Variants in L3MBTL4 observed in about 807,000 individuals in gnomAD.
The protein encoded by L3MBTL4 is L3MBTL histone methyl-lysine binding protein 4.
L3MBTL4 carries 70 observed loss-of-function variants against 84.5 expected under a neutral mutation model. The ratio of observed to expected loss-of-function variants is 0.83; its 90% confidence interval spans 0.68 to 1.01. L3MBTL4 has a LOEUF of 1.01. Among genes scored for constraint, L3MBTL4 ranks in the 50% least tolerant of loss-of-function variants. L3MBTL4 has a pLI of 0.00. For missense variants in L3MBTL4, 715 were observed against 754.8 expected (o/e 0.95, Z 0.62); for synonymous variants, 274 against 259.8 (o/e 1.05, Z -0.52).
At chr18:6,248,017 A>G (rs1452013379) in intron 5 of L3MBTL4, among the ~76,000 whole-genome samples, 1 of 152,098 alleles carries the variant, frequency 6.6e-6, no homozygotes, top group African/African-American at 2.4e-5. Flanking sequence ...ATGCACATAT[A>G]TGTACATTAA....
At chr18:6,070,474 G>A (rs1347956136) in intron 16 of L3MBTL4, among the ~76,000 whole-genome samples, 1 of 150,564 alleles carries the variant, frequency 6.6e-6, no homozygotes, top group Non-Finnish European at 1.5e-5. Context: ...AAAAGTTTGG[G>A]TGAAAAAAGG....
chr18:6,392,033 C>T (rs1016655281), intron 1 of L3MBTL4, among the ~76,000 whole-genome samples: 1 of 151,942 alleles, frequency 6.6e-6, no homozygotes, highest in Non-Finnish European at 1.5e-5. Flanking sequence ...AAAAGGAGCC[C>T]AAATAGCCAA....
chr18:6,087,470 C>A (rs1319480869), intron 15 of L3MBTL4, among the ~76,000 whole-genome samples: 2 of 152,096 alleles, frequency 1.3e-5, no homozygotes, highest in Admixed American at 1.3e-4. Flanking sequence ...GGTTGTCATG[C>A]CTGGCTAGTG....
At chr18:6,050,361 C>G (rs2056795713) in intron 16 of L3MBTL4, among the ~76,000 whole-genome samples, 1 of 152,132 alleles carries the variant, frequency 6.6e-6, no homozygotes, top group South Asian at 2.1e-4. Flanking sequence ...TTAGCATTTT[C>G]CTTTGAATAG....
At chr18:5,991,095 C>T (rs972854669) in intron 16 of L3MBTL4, among the ~76,000 whole-genome samples, 8 of 152,116 alleles carry the variant, frequency 5.3e-5, no homozygotes, top group Admixed American at 3.9e-4. Context: ...GGAATGCCCA[C>T]CCCTCTTCTC....
At chr18:6,358,868 C>A (rs1018092044) in intron 1 of L3MBTL4, among the ~76,000 whole-genome samples, 2 of 152,176 alleles carry the variant, frequency 1.3e-5, no homozygotes, top group Non-Finnish European at 2.9e-5. Flanking sequence ...GAGCCCTGTG[C>A]AGATGGGGAC....
At chr18:5,972,862 TAGA>T (rs1275559776) in intron 16 of L3MBTL4, among the ~76,000 whole-genome samples, 1,275 of 18,722 alleles carry the variant, frequency 0.068, 29 homozygotes, top group African/African-American at 0.38. Context: ...TAGAATAGTA[TAGA>T]ATAGAATAGA....
chr18:6,394,010 T>C (rs185263457), intron 1 of L3MBTL4, among the ~76,000 whole-genome samples: 2 of 151,752 alleles, frequency 1.3e-5, no homozygotes, highest in African/African-American at 4.8e-5. Context: ...CTCAGGTCCA[T>C]TCGAGCTGCT....
At chr18:6,221,923 G>A (rs925244306) in intron 10 of L3MBTL4, among the ~76,000 whole-genome samples, 7 of 152,194 alleles carry the variant, frequency 4.6e-5, no homozygotes, top group South Asian at 4.2e-4. Flanking sequence ...CATACAGAAG[G>A]GCCCTTCATG....
intron 15 of L3MBTL4, among the ~76,000 whole-genome samples, chr18:6,089,886 C>A (rs568334968): frequency 6.6e-6 from 1 of 152,108 alleles, no homozygotes; most frequent in Non-Finnish European, 1.5e-5. Flanking sequence ...GTTTCAGTCC[C>A]AGATAAGCTT....
chr18:6,212,599 T>A (rs1264388929), intron 12 of L3MBTL4, among the ~76,000 whole-genome samples: 2 of 152,234 alleles, frequency 1.3e-5, no homozygotes, highest in Non-Finnish European at 2.9e-5. Context: ...AAAGTGTTTT[T>A]AATTTTTTTA....
chr18:6,160,459 C>G (rs368713996), intron 13 of L3MBTL4, among the ~76,000 whole-genome samples: 1 of 152,124 alleles, frequency 6.6e-6, no homozygotes, highest in African/African-American at 2.4e-5. Flanking sequence ...TGGCCAGGGG[C>G]GGTGGCTCAC....
chr18:6,332,472 G>T (rs932953851), intron 1 of L3MBTL4, among the ~76,000 whole-genome samples: 9 of 152,218 alleles, frequency 5.9e-5, no homozygotes, highest in African/African-American at 2.2e-4. Context: ...CTCAGAAAGG[G>T]CCCATTCAAT....
intron 12 of L3MBTL4, among the ~76,000 whole-genome samples, chr18:6,205,191 AG>A (rs1254926461): frequency 2.6e-5 from 4 of 152,176 alleles, no homozygotes; most frequent in Admixed American, 6.5e-5. Flanking sequence ...GGAGTGTCAG[AG>A]GCAGAGGTTT....
At chr18:6,233,816 C>CT (rs2047097496) in intron 10 of L3MBTL4, among the ~76,000 whole-genome samples, 1 of 152,182 alleles carries the variant, frequency 6.6e-6, no homozygotes, top group Non-Finnish European at 1.5e-5. Flanking sequence ...GGAAAAACTA[C>CT]TTTAAGGTTC....
In L3MBTL4 at chr18:6,297,459, G is replaced by A. The variant is rs1477640095; in HGVS notation, c.127+4444C>T. ...TTCCATGGTCACCTAAGATATTAAT[G>A]TTAGGAGAAACTGGGTGAAGGGTAT... On this transcript the variant is annotated intron_variant, in intron 4 of 18. Coordinates refer to ENST00000317931, the MANE Select transcript of L3MBTL4 (RefSeq NM_001330559.2). Among the ~76,000 whole-genome samples, 5 of 152,124 alleles carry A rather than the reference G, an allele frequency of 3.3e-5. No individual in the cohort carries two copies. In the East Asian group the frequency reaches 9.6e-4, roughly 29 times the overall value.
rs764746136 is a variant in L3MBTL4 at position 5,960,097 on chromosome 18, T to C, written c.1674A>G (p.Lys558=). ...GCEEHAKCFK[K]EQIDGKAFLL... ...ATATAATTTTTGCATCTCTTACCTC[T>C]TTCTTAAAGCACTTGGCATGCTCTT... is the stretch of plus-strand genomic sequence containing the variant. The change falls in exon 18 of 19, where the codon AAA becomes AAG. Residue 558 remains lysine, a synonymous_variant. Coordinates refer to ENST00000317931, the MANE Select transcript of L3MBTL4 (RefSeq NM_001330559.2). 124 of 1,530,838 alleles carry C rather than the reference T, an allele frequency of 8.1e-5. No homozygotes were observed. The highest frequency in any genetic ancestry group is 4.9e-5 in the Non-Finnish European group (55 of 1,131,724). 94.8% of individuals were successfully genotyped at this position (1,530,838 alleles called of 1,614,324 possible).
intron 12 of L3MBTL4, among the ~76,000 whole-genome samples, chr18:6,173,006 C>A (rs1297692604): frequency 1.3e-5 from 2 of 152,162 alleles, no homozygotes; most frequent in Non-Finnish European, 2.9e-5. Context: ...GCATCACCGA[C>A]CTAGGCACTT....
At chr18:6,078,884 T>G (rs1318492023) in intron 16 of L3MBTL4, among the ~76,000 whole-genome samples, 1 of 151,836 alleles carries the variant, frequency 6.6e-6, no homozygotes, top group Non-Finnish European at 1.5e-5. Flanking sequence ...CATCTGGGGG[T>G]GATGGGAGAC....
Sources: allele counts gnomAD v4.1 joint callset (sites outside exome capture counted in the v4.1 genomes callset), GRCh38; gene constraint gnomAD v4.1.1; transcripts MANE v1.5; gene names NCBI Gene and HGNC (gene_info 2026-07-23, HGNC 2026-07-21).